Variants in CCAR1 observed in about 807,000 individuals in gnomAD.
CCAR1 encodes the protein cell division cycle and apoptosis regulator 1.
CCAR1 carries 78 observed loss-of-function variants against 163.8 expected under a neutral mutation model. The ratio of observed to expected loss-of-function variants is 0.48; its 90% CI spans 0.40 to 0.57. The LOEUF (loss-of-function observed/expected upper bound fraction) is 0.57. Among genes scored for constraint, CCAR1 ranks in the 20% least tolerant of loss-of-function variants. CCAR1 has a pLI of 0.00. For missense variants in CCAR1, 1,019 were observed against 1,365.2 expected, an observed-to-expected ratio of 0.75 and a Z score of 4.00; for synonymous variants, 443 against 460.7, an observed-to-expected ratio of 0.96 and a Z score of 0.49.
At chr10:68,734,029 T>C (rs1203261613) in intron 2 of CCAR1, among the ~76,000 whole-genome samples, 1 of 152,206 alleles carries the variant, frequency 6.6e-6, no homozygotes, top group Non-Finnish European at 1.5e-5. Flanking sequence ...TTAAAAATTC[T>C]AAACATGATT....
In CCAR1 at chr10:68,761,082, T is replaced by A; in HGVS notation, c.1996T>A (p.Leu666Met). Reference protein sequence around the residue: ...KGLKSQLIARLTKQLKVEEQK... With the variant: ...KGLKSQLIARMTKQLKVEEQK... ...ATTAAAATCCCAGTTAATAGCCCGA[T>A]TGACAAAACAGCTTAAAGTAGAGGA... The change falls in exon 16 of 25, where the codon TTG becomes ATG. Residue 666 changes from leucine to methionine, a missense_variant. Physicochemically the swap from Leu to Met is conservative, Grantham distance 15. This residue lies in a region of CCAR1 where 644 missense variants were observed against 904.4 expected (regional missense o/e 0.71). Transcript: ENST00000265872. The A allele has an allele frequency of 6.2e-7, 1 of 1,607,910 alleles. No homozygotes were observed. Among genetic ancestry groups the A allele is most frequent in the Non-Finnish European group, 8.5e-7 (1 of 1,177,514 alleles).
chr10:68,776,064 C>G (rs1054817990), intron 19 of CCAR1, among the ~76,000 whole-genome samples: 1 of 150,234 alleles, frequency 6.7e-6, no homozygotes, highest in Admixed American at 6.6e-5. Context: ...CTCCTGACCT[C>G]GTGATTTACC....
chr10:68,724,530 T>G (rs542330486), intron 2 of CCAR1, among the ~76,000 whole-genome samples: 15 of 152,134 alleles, frequency 9.9e-5, no homozygotes, highest in Non-Finnish European at 2.1e-4. Flanking sequence ...GCTCACGCGA[T>G]CCTCCCATCT....
At chr10:68,729,597 G>A (rs1243512513) in intron 2 of CCAR1, among the ~76,000 whole-genome samples, 1 of 151,666 alleles carries the variant, frequency 6.6e-6, no homozygotes, top group Non-Finnish European at 1.5e-5. Flanking sequence ...TAATCCTAGC[G>A]CTTTGAGAGG....
At chr10:68,759,896 G>T (rs2056447054) in intron 15 of CCAR1, among the ~76,000 whole-genome samples, 1 of 152,194 alleles carries the variant, frequency 6.6e-6, no homozygotes, top group Non-Finnish European at 1.5e-5. Flanking sequence ...GTGCAGTGGT[G>T]TGATGAGAGT....
At chr10:68,721,346 C>G (rs572724906) in intron 1 of CCAR1, 64 bp downstream of exon 1, 2 of 261,836 alleles carry the variant, frequency 7.6e-6, no homozygotes, top group African/African-American at 2.4e-5. Flanking sequence ...AACATCTTGT[C>G]GAATCTGTGG....
In CCAR1 at chr10:68,781,689, T is replaced by C. The variant is rs2056737788; in HGVS notation, c.2651-4447T>C. On this transcript the variant is annotated intron_variant, in intron 19 of 24. Transcript: ENST00000265872. The stretch of plus-strand genomic sequence containing the variant: ...CTGCAACATAGTGATACCCCATCTC[T>C]ACAAAAAAAAATAAAATTGGTGTGG... Among the ~76,000 whole-genome samples, 4 of 151,836 alleles carry C rather than the reference T, an allele frequency of 2.6e-5. No individual in the cohort carries two copies. The South Asian group carries it at 8.3e-4, about 32-fold the overall frequency.
intron 8 of CCAR1, among the ~76,000 whole-genome samples, chr10:68,748,525 A>G (rs1177378): frequency 0.94 from 133,033 of 142,130 alleles, 62,299 homozygotes; most frequent in East Asian, 1. Flanking sequence ...GTTTCTCTCT[A>G]TCGCCAAGGC....
intron 15 of CCAR1, among the ~76,000 whole-genome samples, chr10:68,759,105 A>AG (rs1197306910): frequency 6.6e-6 from 1 of 152,066 alleles, no homozygotes; most frequent in Non-Finnish European, 1.5e-5. Context: ...AATAGAAAAA[A>AG]CAACAACCAA....
chr10:68,773,304 T>G (rs915055125), intron 19 of CCAR1, among the ~76,000 whole-genome samples: 1 of 152,178 alleles, frequency 6.6e-6, no homozygotes, highest in Non-Finnish European at 1.5e-5. Context: ...CTATGTCTCA[T>G]ATATAATTAA....
chr10:68,725,910 G>A (rs2055937050), intron 2 of CCAR1, among the ~76,000 whole-genome samples: 1 of 151,862 alleles, frequency 6.6e-6, no homozygotes, highest in African/African-American at 2.4e-5. Flanking sequence ...GCATCCAGGA[G>A]TCCAAGACCA....
chr10:68,774,799 A>G (rs769531395), intron 19 of CCAR1, among the ~76,000 whole-genome samples: 5 of 152,130 alleles, frequency 3.3e-5, no homozygotes, highest in Non-Finnish European at 7.3e-5. Context: ...AATACAGTAG[A>G]TGCTCTGACC....
Position 68,783,178 on chromosome 10 carries a change from T to G in CCAR1, c.2651-2958T>G, listed in dbSNP as rs117982156. On this transcript the variant is annotated intron_variant, in intron 19 of 24. Coordinates refer to ENST00000265872, the MANE Select transcript of CCAR1 (RefSeq NM_018237.4). ...CCACCATGCCCAGCTAAATATTTAT[T>G]TATTTATTTATTTTTATTTTTTATT... is the stretch of plus-strand genomic sequence containing the variant. Among the ~76,000 whole-genome samples the G allele has an allele frequency of 5.0e-4, 76 of 151,286 alleles. 2 individuals are homozygous for G. The East Asian group carries it at 0.014, about 28-fold the overall frequency.
rs2056192894 is a variant in CCAR1 at position 68,742,270 on chromosome 10, C to T, written c.325-106C>T. 4 of 793,198 alleles carry T rather than the reference C, an allele frequency of 5.0e-6. No homozygotes were observed. The South Asian group carries it at 6.0e-5, about 12-fold the overall frequency. 49.1% of individuals were successfully genotyped at this position (793,198 alleles called of 1,614,324 possible). On this transcript the variant is annotated intron_variant, in intron 5 of 24. Transcript: ENST00000265872. ...CAAGATGTACATGTATATCTTCTAA[C>T]ATAATATGAAATTTTTAACATTCTG...
chr10:68,752,745 A>G (rs2056347377), intron 10 of CCAR1, among the ~76,000 whole-genome samples: 1 of 152,182 alleles, frequency 6.6e-6, no homozygotes, highest in South Asian at 2.1e-4. Flanking sequence ...GTGCACCCGT[A>G]GTCCTAGCTA....
intron 16 of CCAR1, among the ~76,000 whole-genome samples, chr10:68,761,865 G>A (rs190114579): frequency 9.9e-5 from 15 of 152,188 alleles, no homozygotes; most frequent in Admixed American, 1.3e-4. Flanking sequence ...GCCTCTCAAA[G>A]TGCTGAGGTT....
intron 19 of CCAR1, among the ~76,000 whole-genome samples, chr10:68,783,120 A>G (rs1300784011): frequency 2.0e-5 from 3 of 149,706 alleles, no homozygotes; most frequent in African/African-American, 7.4e-5. Context: ...CTCCCACCTC[A>G]TCCTCCCAAG....
At chr10:68,732,491 A>G (rs576080460) in intron 2 of CCAR1, among the ~76,000 whole-genome samples, 2 of 152,160 alleles carry the variant, frequency 1.3e-5, no homozygotes, top group African/African-American at 4.8e-5. Context: ...CTGGTACTAC[A>G]GGTGTGCACC....
rs558772049 is a variant in CCAR1, at chr10:68,721,245, T to G, written c.-88T>G. The G allele has an allele frequency of 1.1e-5, 2 of 175,614 alleles. No individual in the cohort carries two copies. Among genetic ancestry groups the G allele is most frequent in the Non-Finnish European group, 2.5e-5 (2 of 80,692 alleles). The allele number at this position is 175,614 out of a possible 1,614,324, so 10.9% of individuals were successfully genotyped here. ...GGCGCATGCGCCTAAAGCTGACGGG[T>G]TTGAAATGGCTTCGATGTTAGCCGG... On this transcript the variant is annotated 5_prime_UTR_variant, in exon 1 of 25. Transcript: ENST00000265872.
Sources: gnomAD v4.1 joint callset for allele counts (sites outside exome capture counted in the v4.1 genomes callset) on GRCh38, gnomAD v4.1.1 for gene constraint, gnomAD v4.1.1 regional missense constraint, MANE v1.5 for transcripts, NCBI Gene and HGNC (gene_info 2026-07-23, HGNC 2026-07-21) for gene names.